CSPG4: variants seen among roughly 807,000 people sequenced by gnomAD.
CSPG4 encodes the protein chondroitin sulfate proteoglycan 4 (melanoma-associated).
In CSPG4, 74 loss-of-function variants were observed where a neutral mutation model predicts 139.3. The observed-to-expected ratio is 0.53, with a 90% CI of 0.44 to 0.64. The LOEUF is 0.64. Among genes scored for constraint, CSPG4 ranks in the 30% least tolerant of loss-of-function variants. CSPG4 has a pLI of 0.00. For missense variants in CSPG4, 2,565 were observed against 3,148.3 expected, an observed-to-expected ratio of 0.81 and a Z score of 4.43; for synonymous variants, 1,234 against 1,394.2, an observed-to-expected ratio of 0.89 and a Z score of 2.56.
chr15:75,683,202 G>A (rs958292695), intron 5 of CSPG4, among the ~76,000 whole-genome samples, 161 bp from the exon 6 acceptor site: 64 of 152,250 alleles, frequency 4.2e-4, no homozygotes, highest in African/African-American at 1.1e-3. Flanking sequence ...AGGGCCTCCC[G>A]CATTCACCTT....
At chr15:75,692,739 C>T (rs1281151942) in intron 2 of CSPG4, among the ~76,000 whole-genome samples, 5 of 152,100 alleles carry the variant, frequency 3.3e-5, no homozygotes, top group African/African-American at 9.7e-5. Flanking sequence ...ACGGGAGAGG[C>T]GCACACCTGG....
chr15:75,681,462 A>T (rs1007620926), intron 8 of CSPG4, among the ~76,000 whole-genome samples: 1 of 152,112 alleles, frequency 6.6e-6, no homozygotes, highest in African/African-American at 2.4e-5. Flanking sequence ...CCTGAGTGAG[A>T]GTCAGCTCTG....
Position 75,689,893 on chromosome 15 carries a change from G to A in CSPG4, c.1172C>T (p.Ala391Val), listed in dbSNP as rs1894135291. The change falls in exon 3 of 10, where the codon GCC becomes GTC. Residue 391 changes from alanine to valine, a missense_variant. Transcript: ENST00000308508. ...RLEEEEYEDDAYGHYEAFSTL... is the reference protein window; with the variant it reads ...RLEEEEYEDDVYGHYEAFSTL... ...GGAGAAAGCTTCATAATGTCCATAGGCATCGTCCTCATACTCCTCCTCCTC... is the reference window on the plus strand; with the variant it reads ...GGAGAAAGCTTCATAATGTCCATAGACATCGTCCTCATACTCCTCCTCCTC... The A allele has an allele frequency of 3.1e-6, 5 of 1,612,112 alleles. No individual in the cohort carries two copies. Among genetic ancestry groups the A allele is most frequent in the Admixed American group, 3.3e-5 (2 of 59,938 alleles).
intron 1 of CSPG4, among the ~76,000 whole-genome samples, chr15:75,707,899 A>T (rs1466958019): frequency 6.6e-6 from 1 of 152,006 alleles, no homozygotes; most frequent in Non-Finnish European, 1.5e-5. Context: ...AGCAGGTGGG[A>T]TGTGTGCTCC....
Position 75,688,769 on chromosome 15 carries a change from C to T in CSPG4, c.2296G>A (p.Gly766Ser). 1 of 1,612,772 alleles carries T rather than the reference C, an allele frequency of 6.2e-7. No homozygotes were observed. Among genetic ancestry groups the T allele is most frequent in the Non-Finnish European group, 8.5e-7 (1 of 1,179,842 alleles). ...GACAGATTGCTCAGGATCTCCTGGC[C>T]CACCTGCACCTCCAGGGCCAGGTTC... ...VENLALEVQV[G>S]QEILSNLSFP... The change falls in exon 3 of 10, where the codon GGC becomes AGC. Residue 766 changes from glycine to serine, a missense_variant. Gly to Ser is a moderately conservative substitution (Grantham distance 56, BLOSUM62 0). Coordinates refer to ENST00000308508, the MANE Select transcript of CSPG4 (RefSeq NM_001897.5).
In CSPG4 at chr15:75,682,936, C is replaced by T. The variant is rs763414673; in HGVS notation, c.4555G>A (p.Gly1519Arg). Reference protein sequence around the residue: ...LVYTIEQPSNGRVVLRGAPGT... With the variant: ...LVYTIEQPSNRRVVLRGAPGT... ...GGCGCCCCCCGCAGCACTACCCGCCCGTTGCTGGGCTGCTCGATGGTGTAG... is the reference window on the plus strand; with the variant it reads ...GGCGCCCCCCGCAGCACTACCCGCCTGTTGCTGGGCTGCTCGATGGTGTAG... Residue 1519 changes from glycine (G) to arginine (R), a missense_variant, in exon 6 of 10, where the codon GGG becomes AGG. Transcript: ENST00000308508. 8.1e-6 allele frequency: 13 copies of T among 1,611,424 alleles called. No homozygotes were observed. The highest frequency in any genetic ancestry group is 1.9e-4 in the Middle Eastern group (1 of 5,204).
In CSPG4 at chr15:75,675,174, G is replaced by C. The variant is rs1208555667; in HGVS notation, c.*376C>G. 2 of 297,006 alleles carry C rather than the reference G, an allele frequency of 6.7e-6. No individual in the cohort carries two copies. The highest frequency in any genetic ancestry group is 2.2e-5 in the African/African-American group (1 of 46,422). The allele number at this position is 297,006 out of a possible 1,614,324, so 18.4% of individuals were successfully genotyped here. ...CTCCCCAGGGTACTTCCTTCTCCTT[G>C]CCCTCTTAGCAGCCTGGGTCAGGCG... On this transcript the variant is annotated 3_prime_UTR_variant, in exon 10 of 10. Transcript: ENST00000308508.
intron 8 of CSPG4, among the ~76,000 whole-genome samples, chr15:75,681,918 C>G (rs752018250): frequency 7.2e-5 from 11 of 152,248 alleles, no homozygotes; most frequent in Admixed American, 1.3e-4. Flanking sequence ...ACGTCCAACT[C>G]CATCCCCCAC....
chr15:75,699,068 C>A (rs117704426), intron 1 of CSPG4, among the ~76,000 whole-genome samples: 5,406 of 152,298 alleles, frequency 0.035, 122 homozygotes, highest in Middle Eastern at 0.071. Flanking sequence ...GCCATCCCCG[C>A]GGCCCAAGGA....
At position 75,698,140 on chromosome 15, in the gene CSPG4, G is replaced by C. The variant is rs943075681; in HGVS notation, c.89-4907C>G. On this transcript the variant is annotated intron_variant, in intron 1 of 9. Transcript: ENST00000308508. The surrounding 1 kb of genome is among the most constrained non-coding windows in gnomAD (Gnocchi z 4.3). ...CTGGGGAGGGAGGGCCCTGCTCCAA[G>C]ACGAAGCCAGACTTCTCCATCACCG... is the stretch of plus-strand genomic sequence containing the variant. Among the ~76,000 whole-genome samples, 2 of 152,168 alleles carry C rather than the reference G, an allele frequency of 1.3e-5. No individual in the cohort carries two copies. The highest frequency in any genetic ancestry group is 2.9e-5 in the Non-Finnish European group (2 of 68,024).
Position 75,699,648 on chromosome 15 carries a change from C to A in CSPG4, c.89-6415G>T, listed in dbSNP as rs1479781901. Among the ~76,000 whole-genome samples the A allele has an allele frequency of 3.3e-5, 5 of 151,956 alleles. No individual in the cohort carries two copies. In the Middle Eastern group the frequency reaches 0.01, roughly 310 times the overall value. On this transcript the variant is annotated intron_variant, in intron 1 of 9. Transcript: ENST00000308508. ...GGGGCCTTGTGGAGCACAGAGGAAG[C>A]AGGAGGGGAAATGAGAGGTTTTGAG...
rs755729234 is a variant in CSPG4, at chr15:75,677,795, G to A, written c.5042C>T (p.Pro1681Leu). 80 of 1,611,938 alleles carry A rather than the reference G, an allele frequency of 5.0e-5. No individual in the cohort carries two copies. The Admixed American group carries it at 1.1e-3, about 22-fold the overall frequency. The change falls in exon 9 of 10, where the codon CCG becomes CTG. Residue 1681 changes from proline to leucine, a missense_variant. Pro to Leu is a moderately conservative substitution (Grantham distance 98). Coordinates refer to ENST00000308508, the MANE Select transcript of CSPG4 (RefSeq NM_001897.5). ...GGTGGCGGCCACGTCCCGGGCAGGC[G>A]GCGAGGACAGCTGGAGCTCTAGGGT... ...HDTLELQLSS[P>L]PARDVAATLA... is the part of the protein sequence containing the mutation.
intron 1 of CSPG4, among the ~76,000 whole-genome samples, chr15:75,711,724 G>A (rs374233679): frequency 3.9e-5 from 6 of 152,236 alleles, no homozygotes; most frequent in African/African-American, 1.2e-4. Context: ...GAATGATCTC[G>A]AAGGTGTAGC....
Position 75,687,820 on chromosome 15 carries a change from G to T in CSPG4, c.3245C>A (p.Thr1082Asn). 1 of 1,612,954 alleles carries T rather than the reference G, an allele frequency of 6.2e-7. No homozygotes were observed. Among genetic ancestry groups the T allele is most frequent in the Non-Finnish European group, 8.5e-7 (1 of 1,180,032 alleles). The change falls in exon 3 of 10, where the codon ACC (threonine) becomes AAC (asparagine). Residue 1082 changes from threonine (T) to asparagine (N), a missense_variant. By Grantham distance (65) the Thr-to-Asn change is moderately conservative. This residue lies in a region of CSPG4 where 2,316 missense variants were observed against 2,818.2 expected (regional missense o/e 0.82). Coordinates refer to ENST00000308508, the MANE Select transcript of CSPG4 (RefSeq NM_001897.5). This position sits in a 1 kb window ranked among gnomAD's most constrained non-coding sequence, Gnocchi z 5.4. ...DEPTRPIYRFTQEDLRKRRVL... is the reference protein window; with the variant it reads ...DEPTRPIYRFNQEDLRKRRVL... ...TCGCCTCTTCCTGAGGTCCTCCTGGGTGAAGCGGTAGATGGGCCGCGTGGG... is the reference window on the plus strand; with the variant it reads ...TCGCCTCTTCCTGAGGTCCTCCTGGTTGAAGCGGTAGATGGGCCGCGTGGG...
Position 75,676,698 on chromosome 15 carries a change from C to T in CSPG4, c.5821G>A (p.Ala1941Thr), listed in dbSNP as rs985708439. 39 of 1,589,140 alleles carry T rather than the reference C, an allele frequency of 2.5e-5. No individual in the cohort carries two copies. Among genetic ancestry groups the T allele is most frequent in the African/African-American group, 5.4e-5 (4 of 74,386 alleles). Residue 1941 changes from alanine to threonine, a missense_variant, in exon 10 of 10, where the codon GCC (alanine) becomes ACC (threonine). Physicochemically the swap from Ala to Thr is moderately conservative, Grantham distance 58. Transcript: ENST00000308508. The part of the protein sequence containing the change: ...MSLAVDILPS[A>T]IEVQLRAPLE... Reference sequence around the variant, plus strand: ...GGTGCCCGCAGCTGCACCTCGATGGCGGATGGTAGGATGTCCACAGCCAGG... The same window carrying T: ...GGTGCCCGCAGCTGCACCTCGATGGTGGATGGTAGGATGTCCACAGCCAGG...
rs552209393 is a variant in CSPG4, at chr15:75,699,886, A to T, written c.89-6653T>A. 2.5e-4 allele frequency among the ~76,000 whole-genome samples: 38 copies of T among 152,262 alleles called. 1 individual carries two copies. The Middle Eastern group carries it at 0.02, about 82-fold the overall frequency. On this transcript the variant is annotated intron_variant, in intron 1 of 9. Coordinates refer to ENST00000308508, the MANE Select transcript of CSPG4 (RefSeq NM_001897.5). Reference sequence around the variant, plus strand: ...GGAGATGGGTGGGTTTCCAGGCTCCATCCGTACCCTCCTTTCCCCCACTTT... The same window carrying T: ...GGAGATGGGTGGGTTTCCAGGCTCCTTCCGTACCCTCCTTTCCCCCACTTT...
At position 75,690,582 on chromosome 15, in the gene CSPG4, T is replaced by C; in HGVS notation, c.483A>G (p.Gly161=). The C allele has an allele frequency of 6.2e-7, 1 of 1,607,722 alleles. No homozygotes were observed. The highest frequency in any genetic ancestry group is 8.5e-7 in the Non-Finnish European group (1 of 1,177,916). Residue 161 remains glycine (G), a synonymous_variant, in exon 3 of 10, where the codon GGA becomes GGG. Transcript: ENST00000308508. ...GGCAACCCCTCAGGGGTCGGCTGGTTCCCCTCAGGTAGGGCAGGCCAAGGG... is the reference window on the plus strand; with the variant it reads ...GGCAACCCCTCAGGGGTCGGCTGGTCCCCCTCAGGTAGGGCAGGCCAAGGG... ...TGTLGLPYLR[G]TSRPLRGCLH...
chr15:75,694,410 T>TG lies in CSPG4; in HGVS notation c.89-1178dup, dbSNP rs942360213. ...GACTTTGCCTGCAGATGTCCAGGGCTGGGGGGTAGAGAAACACGGGTTAAA... is the reference window on the plus strand; with the variant it reads ...GACTTTGCCTGCAGATGTCCAGGGCTGGGGGGGTAGAGAAACACGGGTTAAA... On this transcript the variant is annotated intron_variant, in intron 1 of 9. Transcript: ENST00000308508. Among the ~76,000 whole-genome samples, 67 of 152,206 alleles carry TG rather than the reference T, an allele frequency of 4.4e-4. 2 individuals carry two copies. Among genetic ancestry groups the TG allele is most frequent in the Admixed American group, 3.1e-3 (47 of 15,284 alleles).
rs1350420739 is a variant in CSPG4, at chr15:75,687,677, C to T, written c.3388G>A (p.Ala1130Thr). The change falls in exon 3 of 10, where the codon GCC (alanine) becomes ACC (threonine). Residue 1130 changes from alanine (A) to threonine (T), a missense_variant. Physicochemically the swap from Ala to Thr is moderately conservative, Grantham distance 58. This residue lies in a region of CSPG4 where 2,316 missense variants were observed against 2,818.2 expected (regional missense o/e 0.82). Coordinates refer to ENST00000308508, the MANE Select transcript of CSPG4 (RefSeq NM_001897.5). This position sits in a 1 kb window ranked among gnomAD's most constrained non-coding sequence, Gnocchi z 5.4. Reference sequence around the variant, plus strand: ...GGGACCACAAGGCTGGAGCCGTTGGCCACACGGAGGTAGGGTTCCGAGGCC... The same window carrying T: ...GGGACCACAAGGCTGGAGCCGTTGGTCACACGGAGGTAGGGTTCCGAGGCC... ...VQASEPYLRV[A>T]NGSSLVVPQG... 6.2e-7 allele frequency: 1 copy of T among 1,612,896 alleles called. No individual in the cohort carries two copies. Among genetic ancestry groups the T allele is most frequent in the East Asian group, 2.2e-5 (1 of 44,890 alleles).
Sources: allele counts gnomAD v4.1 joint callset (sites outside exome capture counted in the v4.1 genomes callset), GRCh38; gene constraint gnomAD v4.1.1; regional missense constraint gnomAD v4.1.1; non-coding constraint Gnocchi (gnomAD v3.1); transcripts MANE v1.5; gene names NCBI Gene and HGNC (gene_info 2026-07-23, HGNC 2026-07-21).